The following TAF1B variants were observed in gnomAD, a reference collection of about 807,000 sequenced individuals.
TAF1B encodes TATA box-binding protein-associated factor RNA polymerase I subunit B.
Under a neutral mutation model 83.9 loss-of-function variants are expected in TAF1B, and 61 were observed. The observed-to-expected ratio is 0.73, with a 90% CI of 0.59 to 0.90. TAF1B has a LOEUF of 0.90. TAF1B is among the 40% of genes least tolerant of loss of function. The probability of loss-of-function intolerance (pLI) is 0.00; values close to 1 mark genes in which losing one functional copy is unlikely to be tolerated. For synonymous variants in TAF1B, 221 were observed against 224.6 expected (o/e 0.98, Z 0.14); for missense variants, 625 against 677.0 (o/e 0.92, Z 0.85).
At chr2:9,870,618 G>A (rs1664138313) in intron 6 of TAF1B, among the ~76,000 whole-genome samples, 1 of 151,966 alleles carries the variant, frequency 6.6e-6, no homozygotes, top group Non-Finnish European at 1.5e-5. Flanking sequence ...TTTCTAGTTT[G>A]GGACATTAGC....
chr2:9,878,000 G>T (rs1173905041), intron 7 of TAF1B, among the ~76,000 whole-genome samples: 1 of 152,188 alleles, frequency 6.6e-6, no homozygotes, highest in African/African-American at 2.4e-5. Flanking sequence ...TAGGAGAAGA[G>T]ACTGTCACCA....
intron 8 of TAF1B, 28 bp downstream of exon 8, chr2:9,882,833 G>A (rs1475503902): frequency 6.6e-7 from 1 of 1,503,922 alleles, no homozygotes; most frequent in Admixed American, 1.9e-5. Flanking sequence ...TTACTTTCTA[G>A]TCTCTGATAA....
rs1322771999 is a variant in TAF1B, at chr2:9,868,406, C to G, written c.530C>G (p.Pro177Arg). 1.2e-6 allele frequency: 2 copies of G among 1,612,988 alleles called. No homozygotes were observed. The highest frequency in any genetic ancestry group is 1.7e-6 in the Non-Finnish European group (2 of 1,179,334). Reference sequence around the variant, plus strand: ...GACATCCACACTCGAAAACCTTTCCCCGTCAGCAAAGCATCACAATCAGGT... The same window carrying G: ...GACATCCACACTCGAAAACCTTTCCGCGTCAGCAAAGCATCACAATCAGGT... Reference protein sequence around the residue: ...QSDIHTRKPFPVSKASQSETS... With the variant: ...QSDIHTRKPFRVSKASQSETS... The change falls in exon 6 of 15, where the codon CCC becomes CGC. Residue 177 changes from proline (P) to arginine (R), a missense_variant. By Grantham distance (103) the Pro-to-Arg change is moderately radical. Transcript: ENST00000263663.
Position 9,913,142 on chromosome 2 carries a change from G to T in TAF1B, c.1181-17G>T, listed in dbSNP as rs765859697. 2 of 1,579,778 alleles carry T rather than the reference G, an allele frequency of 1.3e-6. No individual in the cohort carries two copies. Among genetic ancestry groups the T allele is most frequent in the African/African-American group, 1.4e-5 (1 of 73,196 alleles). On this transcript the variant is annotated splice_polypyrimidine_tract_variant and intron_variant, in intron 11 of 14. Transcript: ENST00000263663. ...GTGGTTTATTTGGTTAATAATCTTG[G>T]ATTTTATTTCTTTCAGATAAGCCAT...
At chr2:9,848,832 A>G (rs1032464687) in intron 2 of TAF1B, among the ~76,000 whole-genome samples, 7 of 152,222 alleles carry the variant, frequency 4.6e-5, no homozygotes, top group African/African-American at 1.7e-4. Flanking sequence ...AGACTCTGAT[A>G]TGAATTATAC....
rs969049134 is a variant in TAF1B, at chr2:9,868,581, A to G, written c.553+152A>G. ...GAATGACTTGCTGAATCATATGGCT[A>G]AGACAAACTAAGTGAAATCTTAGCG... On this transcript the variant is annotated intron_variant, in intron 6 of 14. Coordinates refer to ENST00000263663, the MANE Select transcript of TAF1B (RefSeq NM_005680.3). 38 of 1,109,972 alleles carry G rather than the reference A, an allele frequency of 3.4e-5. 1 individual carries two copies. In the Admixed American group the frequency reaches 6.0e-4, roughly 17 times the overall value. The allele number at this position is 1,109,972 out of a possible 1,614,324, so 68.8% of individuals were successfully genotyped here.
chr2:9,902,936 C>T (rs568196716), intron 8 of TAF1B, among the ~76,000 whole-genome samples: 3 of 152,130 alleles, frequency 2.0e-5, no homozygotes, highest in African/African-American at 7.2e-5. Flanking sequence ...GTTATTTATC[C>T]AAGCCTTCTA....
At chr2:9,875,444 C>T (rs1185270166) in intron 6 of TAF1B, among the ~76,000 whole-genome samples, 2 of 152,098 alleles carry the variant, frequency 1.3e-5, no homozygotes, top group Non-Finnish European at 2.9e-5. Context: ...TGAAGAAATA[C>T]CCAAGACTGG....
chr2:9,877,062 A>G (rs1664341602), intron 7 of TAF1B, among the ~76,000 whole-genome samples: 1 of 152,214 alleles, frequency 6.6e-6, no homozygotes, highest in Non-Finnish European at 1.5e-5. Flanking sequence ...GATTAACTCT[A>G]CAAGCAGATA....
rs1428802793 is a variant in TAF1B at position 9,904,844 on chromosome 2, T to C, written c.808-15T>C. The C allele has an allele frequency of 6.2e-7, 1 of 1,603,360 alleles. No individual in the cohort carries two copies. Among genetic ancestry groups the C allele is most frequent in the Non-Finnish European group, 8.5e-7 (1 of 1,173,884 alleles). On this transcript the variant is annotated splice_polypyrimidine_tract_variant and intron_variant, in intron 8 of 14. Coordinates refer to ENST00000263663, the MANE Select transcript of TAF1B (RefSeq NM_005680.3). ...TGCAAAAATTGCAACTATGATGGTC[T>C]CTCTTTTATTTCAGTCTTGGCCTGA...
intron 1 of TAF1B, chr2:9,844,217 C>G (rs1317838947): frequency 6.6e-6 from 1 of 151,868 alleles, no homozygotes; most frequent in Non-Finnish European, 1.5e-5. Flanking sequence ...GTGGCACGAT[C>G]ACGGCTCACT....
At chr2:9,846,911 T>C (rs1663223670) in intron 2 of TAF1B, among the ~76,000 whole-genome samples, 1 of 152,210 alleles carries the variant, frequency 6.6e-6, no homozygotes. Context: ...CCTCATTGTG[T>C]AGTAAGGAGC....
At chr2:9,853,729 G>A (rs1184586308) in intron 4 of TAF1B, among the ~76,000 whole-genome samples, 3 of 152,038 alleles carry the variant, frequency 2.0e-5, no homozygotes, top group African/African-American at 7.2e-5. Flanking sequence ...TTGAAGTCTG[G>A]GGATTACAGT....
In TAF1B at chr2:9,874,992, C is replaced by G. The variant is rs905895192; in HGVS notation, c.554-873C>G. The stretch of plus-strand genomic sequence containing the variant: ...TTTTTTTTCTTTTTGGAGACAGAGT[C>G]TTGCTCTGTTACCCAGGTTGGATGG... On this transcript the variant is annotated intron_variant, in intron 6 of 14. Coordinates refer to ENST00000263663, the MANE Select transcript of TAF1B (RefSeq NM_005680.3). Among the ~76,000 whole-genome samples the G allele has an allele frequency of 1.3e-4, 19 of 149,970 alleles. 1 individual carries two copies. The highest frequency in any genetic ancestry group is 4.7e-4 in the African/African-American group (19 of 40,652).
At chr2:9,869,493 G>A (rs969055172) in intron 6 of TAF1B, among the ~76,000 whole-genome samples, 1 of 151,814 alleles carries the variant, frequency 6.6e-6, no homozygotes, top group African/African-American at 2.4e-5. Flanking sequence ...AAAGTGCTGG[G>A]ATTACAGGTG....
chr2:9,892,355 T>C (rs1192923828), intron 8 of TAF1B, among the ~76,000 whole-genome samples: 2 of 152,228 alleles, frequency 1.3e-5, no homozygotes, highest in African/African-American at 2.4e-5. Flanking sequence ...AGTATCTCTG[T>C]CATTCAGCTA....
At chr2:9,884,511 A>G (rs1664610943) in intron 8 of TAF1B, among the ~76,000 whole-genome samples, 1 of 152,254 alleles carries the variant, frequency 6.6e-6, no homozygotes. Flanking sequence ...ATTGAGCGAC[A>G]GAACAGCTCA....
intron 6 of TAF1B, among the ~76,000 whole-genome samples, chr2:9,872,221 G>T (rs1432591681): frequency 1.3e-5 from 2 of 152,124 alleles, no homozygotes; most frequent in Non-Finnish European, 2.9e-5. Flanking sequence ...AGCTACTCAG[G>T]AGGCTGAGGC....
chr2:9,856,246 T>G (rs1179631661), intron 5 of TAF1B, among the ~76,000 whole-genome samples: 2 of 150,518 alleles, frequency 1.3e-5, no homozygotes, highest in African/African-American at 4.9e-5. Flanking sequence ...TACGGGATAG[T>G]GATGGTTAAA....
Sources: gnomAD v4.1 joint callset for allele counts (sites outside exome capture counted in the v4.1 genomes callset) on GRCh38, gnomAD v4.1.1 for gene constraint, MANE v1.5 for transcripts, NCBI Gene and HGNC (gene_info 2026-07-23, HGNC 2026-07-21) for gene names.